The following PEAK1 variants were observed in gnomAD, a reference collection of about 807,000 sequenced individuals.
PEAK1 encodes the protein pseudopodium enriched atypical kinase 1.
Under a neutral mutation model 124.7 loss-of-function variants are expected in PEAK1, and 54 were observed. The observed-to-expected ratio is 0.43, with a 90% confidence interval of 0.35 to 0.54. The LOEUF (loss-of-function observed/expected upper bound fraction) is 0.54. Among genes scored for constraint, PEAK1 ranks in the 20% least tolerant of loss-of-function variants. PEAK1 has a pLI of 0.01. For synonymous variants in PEAK1, 719 were observed against 760.0 expected (o/e 0.95, Z 0.89); for missense variants, 2,046 against 2,134.5 (o/e 0.96, Z 0.82).
At chr15:77,125,931 G>C (rs367920431) in intron 9 of PEAK1, among the ~76,000 whole-genome samples, 1 of 152,190 alleles carries the variant, frequency 6.6e-6, no homozygotes, top group African/African-American at 2.4e-5. Flanking sequence ...AGTCCAGAGA[G>C]AGGAACCAGA....
intron 6 of PEAK1, among the ~76,000 whole-genome samples, chr15:77,208,024 T>C (rs1466895778): frequency 6.6e-6 from 1 of 152,148 alleles, no homozygotes; most frequent in South Asian, 2.1e-4. Flanking sequence ...GAGTGTGGCT[T>C]TTCCCCAAGA....
intron 2 of PEAK1, among the ~76,000 whole-genome samples, chr15:77,301,885 ATT>A (rs1333895156): frequency 2.0e-5 from 3 of 152,188 alleles, no homozygotes; most frequent in Non-Finnish European, 4.4e-5. Flanking sequence ...AACATCAACC[ATT>A]TGTTTATATC....
chr15:77,296,131 G>A (rs1306754998), intron 2 of PEAK1, among the ~76,000 whole-genome samples: 3 of 152,186 alleles, frequency 2.0e-5, no homozygotes, highest in African/African-American at 7.2e-5. Context: ...AGAGGGGAAA[G>A]AAAGGCACTA....
chr15:77,339,974 T>C (rs1021763147), intron 2 of PEAK1, among the ~76,000 whole-genome samples: 12 of 152,216 alleles, frequency 7.9e-5, no homozygotes, highest in African/African-American at 2.9e-4. Context: ...AATGGCTAAA[T>C]TCAAAACACA....
intron 1 of PEAK1, among the ~76,000 whole-genome samples, chr15:77,408,084 C>CAT (rs1254014157): frequency 6.8e-6 from 1 of 146,322 alleles, no homozygotes; most frequent in Non-Finnish European, 1.5e-5. Flanking sequence ...CATATATACA[C>CAT]ATATATACAC....
chr15:77,261,478 C>T (rs577052055), intron 5 of PEAK1, among the ~76,000 whole-genome samples: 124 of 151,960 alleles, frequency 8.2e-4, no homozygotes, highest in African/African-American at 2.9e-3. Flanking sequence ...GATGAATGCA[C>T]GAGCCTCAGC....
In PEAK1 at chr15:77,377,520, T is replaced by TCAGCTCACTGCAACCTC. The variant is rs373684173; in HGVS notation, c.-665-12312_-665-12296dup. On this transcript the variant is annotated intron_variant, in intron 1 of 9. Transcript: ENST00000682557. ...CAGGCTGGAGTACAATGGCACGATC[T>TCAGCTCACTGCAACCTC]CAGCTCACTGCAACCTCCAGCTCAC... Among the ~76,000 whole-genome samples the TCAGCTCACTGCAACCTC allele has an allele frequency of 6.9e-3, 1,047 of 151,676 alleles. 14 individuals are homozygous for TCAGCTCACTGCAACCTC. Among genetic ancestry groups the TCAGCTCACTGCAACCTC allele is most frequent in the African/African-American group, 0.024 (993 of 41,282 alleles).
At chr15:77,225,655 G>T (rs1323358566) in intron 6 of PEAK1, among the ~76,000 whole-genome samples, 1 of 103,042 alleles carries the variant, frequency 9.7e-6, no homozygotes, top group Non-Finnish European at 2.0e-5. Flanking sequence ...GTGTGTGTGT[G>T]TGTGTATAAT....
intron 1 of PEAK1, chr15:77,371,371 A>G: frequency 1.1e-6 from 1 of 928,394 alleles, no homozygotes; most frequent in Non-Finnish European, 1.3e-6. Flanking sequence ...AAGATAAGGA[A>G]CATTAATTGA....
Position 77,171,083 on chromosome 15 carries a change from G to C in PEAK1, c.3137+7707C>G, listed in dbSNP as rs571066024. On this transcript the variant is annotated intron_variant, in intron 7 of 9. Transcript: ENST00000682557. ...ATCTTCTAACCTATTTTCAATATTAGTGCCAGAAAATATTTTATTAAAAAA... is the reference window on the plus strand; with the variant it reads ...ATCTTCTAACCTATTTTCAATATTACTGCCAGAAAATATTTTATTAAAAAA... Among the ~76,000 whole-genome samples, 330 of 151,998 alleles carry C rather than the reference G, an allele frequency of 2.2e-3. 1 individual carries two copies. Among genetic ancestry groups the C allele is most frequent in the African/African-American group, 4.0e-3 (167 of 41,472 alleles).
chr15:77,350,711 A>G, intron 2 of PEAK1: 2 of 985,426 alleles, frequency 2.0e-6, no homozygotes, highest in Non-Finnish European at 1.2e-6. Flanking sequence ...GCTCTAAACA[A>G]GCCACAGAAA....
chr15:77,390,510 C>T (rs1044647520), intron 1 of PEAK1, among the ~76,000 whole-genome samples: 1 of 152,158 alleles, frequency 6.6e-6, no homozygotes, highest in Admixed American at 6.5e-5. Flanking sequence ...CACAGGTAGG[C>T]CTCTGTAAAA....
chr15:77,167,952 T>C (rs2056228407), intron 7 of PEAK1, among the ~76,000 whole-genome samples: 1 of 152,132 alleles, frequency 6.6e-6, no homozygotes, highest in South Asian at 2.1e-4. Context: ...GTGTTCTCAT[T>C]GTTCAATTCC....
intron 1 of PEAK1, among the ~76,000 whole-genome samples, chr15:77,409,574 C>G (rs1450097490): frequency 6.6e-6 from 1 of 152,078 alleles, no homozygotes; most frequent in Non-Finnish European, 1.5e-5. Context: ...ATCTGTTCAA[C>G]AAATAAAAGA....
intron 6 of PEAK1, among the ~76,000 whole-genome samples, chr15:77,194,981 G>T (rs1216316049): frequency 2.6e-5 from 4 of 152,252 alleles, no homozygotes; most frequent in Middle Eastern, 3.4e-3. Flanking sequence ...TATGTTCGGG[G>T]TTCTGTGTTT....
At chr15:77,120,788 C>G (rs1470863268) in intron 9 of PEAK1, among the ~76,000 whole-genome samples, 4 of 152,226 alleles carry the variant, frequency 2.6e-5, no homozygotes, top group African/African-American at 9.6e-5. Context: ...GCCTCCCTTT[C>G]CAGTCCTACT....
rs143787118 is a variant in PEAK1 at position 77,170,906 on chromosome 15, T to C, written c.3137+7884A>G. 2.0e-5 allele frequency among the ~76,000 whole-genome samples: 3 copies of C among 152,204 alleles called. No homozygotes were observed. In the East Asian group the frequency reaches 5.8e-4, roughly 29 times the overall value. ...AAGAGTTGCAGAAATGGTAGGTAGGTAGGTACCATTTTAAAAATGATAGTT... is the reference window on the plus strand; with the variant it reads ...AAGAGTTGCAGAAATGGTAGGTAGGCAGGTACCATTTTAAAAATGATAGTT... On this transcript the variant is annotated intron_variant, in intron 7 of 9. Coordinates refer to ENST00000682557, the MANE Select transcript of PEAK1 (RefSeq NM_001385026.1).
chr15:77,112,337 A>T lies in PEAK1; in HGVS notation c.*1819T>A, dbSNP rs929455391. 6 of 152,262 alleles carry T rather than the reference A, an allele frequency of 3.9e-5. No individual in the cohort carries two copies. The highest frequency in any genetic ancestry group is 1.4e-4 in the African/African-American group (6 of 41,468). The allele number at this position is 152,262 out of a possible 1,614,324, so 9.4% of individuals were successfully genotyped here. On this transcript the variant is annotated 3_prime_UTR_variant, in exon 10 of 10. Transcript: ENST00000682557. The stretch of plus-strand genomic sequence containing the variant: ...CACATGAAAAGCTGTTAAAAATGTT[A>T]AAAGTTTAGAAATTTCCAAGGCCAC...
chr15:77,251,648 C>A (rs933158529), intron 6 of PEAK1, among the ~76,000 whole-genome samples: 1 of 152,124 alleles, frequency 6.6e-6, no homozygotes, highest in African/African-American at 2.4e-5. Flanking sequence ...AGGTAGGAGG[C>A]GGGACTTTAC....
Sources: gnomAD v4.1 joint callset for allele counts (sites outside exome capture counted in the v4.1 genomes callset) on GRCh38, gnomAD v4.1.1 for gene constraint, MANE v1.5 for transcripts, NCBI Gene and HGNC (gene_info 2026-07-23, HGNC 2026-07-21) for gene names.